The following ATP8A1 variants were observed in gnomAD, a reference collection of about 807,000 sequenced individuals.
ATP8A1 encodes ATPase phospholipid transporting 8A1.
In ATP8A1, 90 loss-of-function variants were observed where a neutral mutation model predicts 177.7. The observed-to-expected ratio is 0.51, with a 90% CI of 0.43 to 0.60. ATP8A1 has a LOEUF of 0.60. Among genes scored for constraint, ATP8A1 ranks in the 20% least tolerant of loss-of-function variants. The pLI is 0.00. For missense variants in ATP8A1, 1,072 were observed against 1,392.8 expected, an observed-to-expected ratio of 0.77 and a Z score of 3.67; for synonymous variants, 493 against 485.9, an observed-to-expected ratio of 1.01 and a Z score of -0.19.
chr4:42,537,174 ATCATC>A (rs1727929447), intron 20 of ATP8A1, among the ~76,000 whole-genome samples: 1 of 151,826 alleles, frequency 6.6e-6, no homozygotes, highest in African/African-American at 2.4e-5. Context: ...CCCCCACGTG[ATCATC>A]TCAATAGATG....
At chr4:42,581,197 G>A (rs183196786) in intron 10 of ATP8A1, among the ~76,000 whole-genome samples, 8 of 151,950 alleles carry the variant, frequency 5.3e-5, no homozygotes, top group East Asian at 3.9e-4. Context: ...ACAGTGGCGC[G>A]ATCTCGGCTC....
chr4:42,516,684 C>T (rs1725568177), intron 22 of ATP8A1, among the ~76,000 whole-genome samples: 1 of 151,992 alleles, frequency 6.6e-6, no homozygotes, highest in Admixed American at 6.6e-5. Flanking sequence ...ATATTTCAAA[C>T]AATGGTTTAA....
intron 1 of ATP8A1, among the ~76,000 whole-genome samples, chr4:42,639,657 A>G (rs1386257924): frequency 2.0e-5 from 3 of 152,174 alleles, no homozygotes; most frequent in Non-Finnish European, 4.4e-5. Flanking sequence ...AGGTATATAT[A>G]ATTATTTTCT....
intron 20 of ATP8A1, among the ~76,000 whole-genome samples, chr4:42,532,824 A>G (rs1028598465): frequency 6.6e-6 from 1 of 152,236 alleles, no homozygotes; most frequent in Admixed American, 6.5e-5. Context: ...AACGGATGAC[A>G]TTCCACTATT....
At position 42,412,849 on chromosome 4, in the gene ATP8A1, G is replaced by T; in HGVS notation, c.*67C>A. 1.5e-6 allele frequency: 2 copies of T among 1,378,906 alleles called. No individual in the cohort carries two copies. Among genetic ancestry groups the T allele is most frequent in the Non-Finnish European group, 2.1e-6 (2 of 973,494 alleles). 85.4% of individuals were successfully genotyped at this position (1,378,906 alleles called of 1,614,324 possible). A position where few individuals can be genotyped will look rare whatever the true frequency, so the allele number is the denominator to read the frequency against. On this transcript the variant is annotated 3_prime_UTR_variant, in exon 37 of 37. Coordinates refer to ENST00000381668, the MANE Select transcript of ATP8A1 (RefSeq NM_006095.2). ...TGGACCAGACTGGAATTGGTTAGCA[G>T]ACTGCGGTGACAACCTGGTAGCTCT... is the stretch of plus-strand genomic sequence containing the variant.
At chr4:42,603,934 A>C (rs1560508982) in intron 5 of ATP8A1, among the ~76,000 whole-genome samples, 1 of 152,184 alleles carries the variant, frequency 6.6e-6, no homozygotes, top group Non-Finnish European at 1.5e-5. Context: ...CTTGCTCAGA[A>C]CTCTTCAGTT....
At chr4:42,484,733 A>G (rs1197898782) in intron 25 of ATP8A1, among the ~76,000 whole-genome samples, 1 of 152,244 alleles carries the variant, frequency 6.6e-6, no homozygotes, top group African/African-American at 2.4e-5. Context: ...TCCCAGGAAG[A>G]GAAGGCAATT....
intron 25 of ATP8A1, among the ~76,000 whole-genome samples, chr4:42,479,822 G>C (rs1369325283): frequency 6.6e-6 from 1 of 152,152 alleles, no homozygotes; most frequent in Non-Finnish European, 1.5e-5. Flanking sequence ...TTATCTTTGG[G>C]AGGCTCCTCA....
At chr4:42,460,345 T>C (rs1008842532) in intron 27 of ATP8A1, among the ~76,000 whole-genome samples, 2 of 150,594 alleles carry the variant, frequency 1.3e-5, no homozygotes, top group African/African-American at 4.9e-5. Flanking sequence ...GAGTAAAGGA[T>C]AGAATATGAT....
chr4:42,557,158 A>G (rs537029339), intron 15 of ATP8A1, among the ~76,000 whole-genome samples: 45 of 152,346 alleles, frequency 3.0e-4, no homozygotes, highest in Admixed American at 2.3e-3. Flanking sequence ...TGCTCTATTA[A>G]GTCTCCAAAT....
chr4:42,585,830 C>CA (rs1333166493), intron 9 of ATP8A1, among the ~76,000 whole-genome samples: 1 of 151,732 alleles, frequency 6.6e-6, no homozygotes, highest in African/African-American at 2.4e-5. Context: ...AAGCAGGTAA[C>CA]AAAAAGAGAT....
chr4:42,468,703 G>C (rs573740476), intron 25 of ATP8A1, among the ~76,000 whole-genome samples: 1 of 152,080 alleles, frequency 6.6e-6, no homozygotes, highest in South Asian at 2.1e-4. Flanking sequence ...CTACAAATTG[G>C]GTACAGTGTA....
At chr4:42,593,943 T>C (rs1299049813) in intron 6 of ATP8A1, among the ~76,000 whole-genome samples, 2 of 151,838 alleles carry the variant, frequency 1.3e-5, no homozygotes, top group Admixed American at 1.3e-4. Flanking sequence ...GAACAAGGAC[T>C]GAAAGATAAA....
chr4:42,413,346 T>C (rs1177704191), intron 36 of ATP8A1, among the ~76,000 whole-genome samples: 1 of 152,152 alleles, frequency 6.6e-6, no homozygotes, highest in Non-Finnish European at 1.5e-5. Context: ...GTGAGGGAGT[T>C]GAGTCAAGTG....
chr4:42,472,636 C>T (rs1361913117), intron 25 of ATP8A1, among the ~76,000 whole-genome samples: 1 of 151,214 alleles, frequency 6.6e-6, no homozygotes, highest in South Asian at 2.1e-4. Context: ...CCCAGCTACT[C>T]GGGATGCTAA....
At chr4:42,654,710 ACT>A (rs1741451866) in intron 1 of ATP8A1, among the ~76,000 whole-genome samples, 1 of 151,978 alleles carries the variant, frequency 6.6e-6, no homozygotes, top group Admixed American at 6.6e-5. Flanking sequence ...TAACACAGAG[ACT>A]CTTTTTGAGC....
Position 42,444,617 on chromosome 4 carries a change from C to A in ATP8A1, c.2976G>T (p.Val992=), listed in dbSNP as rs147792614. 1.9e-5 allele frequency: 30 copies of A among 1,613,856 alleles called. No homozygotes were observed. The highest frequency in any genetic ancestry group is 2.5e-5 in the Non-Finnish European group (29 of 1,179,956). The part of the protein sequence containing the change: ...NFVYTFVVIT[V]CLKAGLETSY... ...ATGTCTCCAATCCAGCTTTCAAACA[C>A]ACAGTTATCACCACAAACTAAAACA... is the stretch of plus-strand genomic sequence containing the variant. Residue 992 remains valine, a synonymous_variant, in exon 32 of 37, where the codon GTG becomes GTT. Coordinates refer to ENST00000381668, the MANE Select transcript of ATP8A1 (RefSeq NM_006095.2).
intron 33 of ATP8A1, among the ~76,000 whole-genome samples, chr4:42,426,694 G>C (rs1028063791): frequency 6.6e-5 from 10 of 152,146 alleles, no homozygotes; most frequent in African/African-American, 2.4e-4. Flanking sequence ...CCAGTGATCT[G>C]TCCCATGAGC....
chr4:42,544,680 A>C (rs1190711558), intron 19 of ATP8A1, among the ~76,000 whole-genome samples: 1 of 152,226 alleles, frequency 6.6e-6, no homozygotes, highest in Admixed American at 6.5e-5. Flanking sequence ...ATTACAAAGG[A>C]TAGGACTCAT....
Sources: gnomAD v4.1 joint callset for allele counts (sites outside exome capture counted in the v4.1 genomes callset) on GRCh38, gnomAD v4.1.1 for gene constraint, MANE v1.5 for transcripts, NCBI Gene and HGNC (gene_info 2026-07-23, HGNC 2026-07-21) for gene names.